The following WDR19 variants were observed in gnomAD, a reference collection of about 807,000 sequenced individuals.
The protein encoded by WDR19 is WD repeat-containing protein 19.
A neutral mutation model predicts 180.0 loss-of-function variants in WDR19; 121 were observed. The ratio of observed to expected loss-of-function variants is 0.67; its 90% CI spans 0.58 to 0.78. WDR19 has a LOEUF of 0.78. WDR19 is among the 30% of genes least tolerant of loss of function. The pLI is 0.00. For missense variants in WDR19, 1,450 were observed against 1,640.7 expected, an observed-to-expected ratio of 0.88 and a Z score of 2.01; for synonymous variants, 497 against 540.7, an observed-to-expected ratio of 0.92 and a Z score of 1.12.
chr4:39,245,112 ATT>A (rs542146780), intron 23 of WDR19, among the ~76,000 whole-genome samples: 14 of 138,526 alleles, frequency 1.0e-4, no homozygotes, highest in African/African-American at 3.6e-4. Flanking sequence ...TAATTTTTGT[ATT>A]TTTTTTTTTT....
chr4:39,279,609 C>T (rs1736251957), intron 36 of WDR19, among the ~76,000 whole-genome samples: 2 of 152,120 alleles, frequency 1.3e-5, no homozygotes, highest in Non-Finnish European at 2.9e-5. Context: ...ATGTTTTCCA[C>T]AGAAGTTGCA....
intron 2 of WDR19, among the ~76,000 whole-genome samples, chr4:39,186,084 A>AAT (rs1415061703): frequency 8.5e-5 from 13 of 152,244 alleles, no homozygotes; most frequent in Admixed American, 4.6e-4. Context: ...GAAAGTTCAT[A>AAT]GAACCTTTTC....
intron 21 of WDR19, among the ~76,000 whole-genome samples, chr4:39,242,969 A>G (rs1034941887): frequency 2.6e-5 from 4 of 152,150 alleles, no homozygotes; most frequent in African/African-American, 7.2e-5. Context: ...CGCCCGGCCC[A>G]TCTCTACAAA....
intron 24 of WDR19, among the ~76,000 whole-genome samples, chr4:39,252,123 G>A (rs544076170): frequency 6.6e-6 from 1 of 151,926 alleles, no homozygotes; most frequent in Admixed American, 6.6e-5. Flanking sequence ...GTCCAACAAT[G>A]ATAGACTGGA....
intron 5 of WDR19, 66 bp from the exon 6 acceptor site, chr4:39,199,412 A>G: frequency 8.3e-7 from 1 of 1,199,766 alleles, no homozygotes. Flanking sequence ...CTATATTCAG[A>G]TTGGCATCAC....
intron 28 of WDR19, among the ~76,000 whole-genome samples, 175 bp downstream of exon 28, chr4:39,257,729 C>T (rs532415980): frequency 6.6e-6 from 1 of 151,184 alleles, no homozygotes; most frequent in African/African-American, 2.4e-5. Flanking sequence ...CATACCCTCA[C>T]CCTCTTTCCC....
chr4:39,276,910 T>G, intron 33 of WDR19, 110 bp from the exon 34 acceptor site: 1 of 1,357,674 alleles, frequency 7.4e-7, no homozygotes, highest in South Asian at 1.2e-5. Flanking sequence ...AGAGTCTGAC[T>G]ATGAAGTAGG....
chr4:39,270,242 A>G, intron 31 of WDR19, 142 bp downstream of exon 31: 1 of 1,190,910 alleles, frequency 8.4e-7, no homozygotes. Context: ...TACAGAACAT[A>G]TCTACAATAC....
intron 20 of WDR19, among the ~76,000 whole-genome samples, chr4:39,236,335 G>A (rs1364094318): frequency 6.6e-6 from 1 of 151,886 alleles, no homozygotes; most frequent in Non-Finnish European, 1.5e-5. Context: ...CATAAAACAA[G>A]AATAAATTGT....
intron 1 of WDR19, among the ~76,000 whole-genome samples, chr4:39,184,451 G>A (rs542605013): frequency 4.6e-5 from 7 of 152,000 alleles, no homozygotes; most frequent in Admixed American, 1.3e-4. Context: ...TCACTGCTTT[G>A]TGTTTGGTTG....
chr4:39,213,536 A>C (rs1217069901), intron 9 of WDR19, among the ~76,000 whole-genome samples: 1 of 152,358 alleles, frequency 6.6e-6, no homozygotes, highest in South Asian at 2.1e-4. Flanking sequence ...TTATAAAAAC[A>C]AAGAACAGAT....
chr4:39,225,943 C>G (rs1380597539), intron 15 of WDR19, among the ~76,000 whole-genome samples: 1 of 152,116 alleles, frequency 6.6e-6, no homozygotes, highest in Non-Finnish European at 1.5e-5. Context: ...TCCTAATCTG[C>G]TAGTTCTTAG....
rs984376326 is a variant in WDR19 at position 39,182,630 on chromosome 4, A to G, written c.6+67A>G. On this transcript the variant is annotated intron_variant, in intron 1 of 36. Transcript: ENST00000399820. The stretch of plus-strand genomic sequence containing the variant: ...GACTACTGGCCCTTGGTCGCTTTTA[A>G]AAGAGGATATCTGTCCCTCTCCCTT... 2.5e-6 allele frequency: 4 copies of G among 1,607,644 alleles called. No homozygotes were observed. The African/African-American group carries it at 5.3e-5, about 21-fold the overall frequency.
chr4:39,202,601 C>T (rs1727480585), intron 6 of WDR19, among the ~76,000 whole-genome samples: 1 of 152,032 alleles, frequency 6.6e-6, no homozygotes, highest in African/African-American at 2.4e-5. Flanking sequence ...AACAAAACTA[C>T]ATCTGTATGT....
At chr4:39,246,289 T>C (rs1308098776) in intron 24 of WDR19, among the ~76,000 whole-genome samples, 2 of 152,178 alleles carry the variant, frequency 1.3e-5, no homozygotes. Context: ...GAGGATCACT[T>C]GAGGCCAGGA....
At chr4:39,189,882 C>T in intron 4 of WDR19, 101 bp downstream of exon 4, 1 of 1,261,148 alleles carries the variant, frequency 7.9e-7, no homozygotes, top group Non-Finnish European at 1.1e-6. Flanking sequence ...AAAGATTCCT[C>T]AATGAGTTAT....
rs759161562 is a variant in WDR19 at position 39,244,490 on chromosome 4, A to G, written c.2583A>G (p.Gln861=). The change falls in exon 23 of 37, where the codon CAA becomes CAG. Residue 861 remains glutamine, a synonymous_variant. Coordinates refer to ENST00000399820, the MANE Select transcript of WDR19 (RefSeq NM_025132.4). ...TTTAGCAATTTTCAGAAGCGGCCCA[A>G]CTGTATGAAAAAGGTCTCTACTACG... is the stretch of plus-strand genomic sequence containing the variant. The part of the protein sequence containing the change: ...ENMKQFSEAA[Q]LYEKGLYYDK... The G allele has an allele frequency of 1.9e-6, 3 of 1,613,992 alleles. No homozygotes were observed. The highest frequency in any genetic ancestry group is 2.5e-6 in the Non-Finnish European group (3 of 1,179,888).
At chr4:39,234,290 T>A (rs1731161778) in intron 19 of WDR19, among the ~76,000 whole-genome samples, 1 of 152,204 alleles carries the variant, frequency 6.6e-6, no homozygotes, top group African/African-American at 2.4e-5. Context: ...AACATATATT[T>A]ACATTTTAGT....
chr4:39,274,998 C>G (rs1301099989), intron 33 of WDR19, 40 bp downstream of exon 33: 1 of 1,565,590 alleles, frequency 6.4e-7, no homozygotes. Flanking sequence ...AATCGTATTT[C>G]TCAAAGTATT....
Sources: gnomAD v4.1 joint callset for allele counts (sites outside exome capture counted in the v4.1 genomes callset) on GRCh38, gnomAD v4.1.1 for gene constraint, MANE v1.5 for transcripts, NCBI Gene and HGNC (gene_info 2026-07-23, HGNC 2026-07-21) for gene names.